Variants in ROR1 observed in about 807,000 individuals in gnomAD.
ROR1 encodes the protein ROR family WNT receptor 1, also known as inactive tyrosine-protein kinase transmembrane receptor ROR1.
ROR1 carries 19 observed loss-of-function variants against 78.8 expected under a neutral mutation model. The ratio of observed to expected loss-of-function variants is 0.24; its 90% CI spans 0.17 to 0.35. The LOEUF is 0.35. Among genes scored for constraint, ROR1 ranks in the 10% least tolerant of loss-of-function variants. ROR1 has a pLI of 1.00. For synonymous variants in ROR1, 386 were observed against 433.6 expected (o/e 0.89, Z 1.36); for missense variants, 917 against 1,177.8 (o/e 0.78, Z 3.24).
chr1:63,849,562 G>A (rs1645101186), intron 1 of ROR1, among the ~76,000 whole-genome samples: 1 of 152,090 alleles, frequency 6.6e-6, no homozygotes, highest in Admixed American at 6.6e-5. Context: ...GGCGGGGTGT[G>A]GGGTGGGCGC....
intron 4 of ROR1, among the ~76,000 whole-genome samples, chr1:64,105,111 T>TC (rs1301381405): frequency 1.3e-5 from 2 of 152,228 alleles, no homozygotes; most frequent in Non-Finnish European, 2.9e-5. Context: ...CTCCACAACC[T>TC]CACTAGCATC....
chr1:63,824,308 G>A (rs960928721), intron 1 of ROR1, among the ~76,000 whole-genome samples: 2 of 152,118 alleles, frequency 1.3e-5, no homozygotes, highest in African/African-American at 4.8e-5. Context: ...CAGGAAAGCA[G>A]CCATAGATAA....
chr1:64,140,383 C>A lies in ROR1; in HGVS notation c.885C>A (p.Asn295Lys). ...LPQPESPEAA[N>K]CIRIGIPMAD... ...AGCCAGAGAGCCCAGAAGCTGCGAA[C>A]TGTATCCGGATTGGAATTCCCATGG... The change falls in exon 6 of 9, where the codon AAC becomes AAA. Residue 295 changes from asparagine (N) to lysine (K), a missense_variant. By Grantham distance (94) the Asn-to-Lys change is moderately conservative (BLOSUM62 0). Transcript: ENST00000371079. The A allele has an allele frequency of 3.7e-6, 6 of 1,614,130 alleles. No homozygotes were observed. The highest frequency in any genetic ancestry group is 5.1e-6 in the Non-Finnish European group (6 of 1,180,008).
chr1:64,035,403 A>G (rs1646694118), intron 2 of ROR1, among the ~76,000 whole-genome samples: 1 of 152,170 alleles, frequency 6.6e-6, no homozygotes, highest in Admixed American at 6.5e-5. Flanking sequence ...GATACCTTTC[A>G]GGGAGGCTGC....
At chr1:63,841,087 C>T (rs577061247) in intron 1 of ROR1, among the ~76,000 whole-genome samples, 2 of 152,256 alleles carry the variant, frequency 1.3e-5, no homozygotes, top group East Asian at 3.9e-4. Flanking sequence ...ATACTGGCCA[C>T]CATTTTTGAT....
At chr1:64,091,772 C>G (rs755790227) in intron 4 of ROR1, among the ~76,000 whole-genome samples, 22 of 152,256 alleles carry the variant, frequency 1.4e-4, no homozygotes, top group Non-Finnish European at 2.5e-4. Context: ...TTCTCCTACT[C>G]TGTTCCCAAC....
At chr1:63,802,970 A>T (rs1468309764) in intron 1 of ROR1, among the ~76,000 whole-genome samples, 1 of 152,256 alleles carries the variant, frequency 6.6e-6, no homozygotes, top group Non-Finnish European at 1.5e-5. Flanking sequence ...TCAACATGCA[A>T]TCTTTATAAA....
chr1:64,081,068 C>A (rs750894103), intron 4 of ROR1, among the ~76,000 whole-genome samples: 21 of 152,128 alleles, frequency 1.4e-4, no homozygotes, highest in Non-Finnish European at 2.1e-4. Flanking sequence ...CTCTAAGATC[C>A]CCTACCCCTG....
chr1:64,132,495 C>T (rs1648947698), intron 4 of ROR1, among the ~76,000 whole-genome samples: 2 of 151,852 alleles, frequency 1.3e-5, no homozygotes, highest in African/African-American at 4.8e-5. Context: ...CGTGGTGGCT[C>T]ACACCTGTAA....
chr1:63,976,501 T>C (rs1044113905), intron 1 of ROR1, among the ~76,000 whole-genome samples: 1 of 152,168 alleles, frequency 6.6e-6, no homozygotes, highest in Non-Finnish European at 1.5e-5. Flanking sequence ...CCTAATGTGG[T>C]CCACATCTTT....
At chr1:63,882,878 A>G (rs1325274297) in intron 1 of ROR1, among the ~76,000 whole-genome samples, 2 of 151,852 alleles carry the variant, frequency 1.3e-5, no homozygotes, top group Non-Finnish European at 2.9e-5. Flanking sequence ...GGCTGAGGAG[A>G]TATTTTGGTT....
chr1:63,833,826 T>C (rs1645003551), intron 1 of ROR1, among the ~76,000 whole-genome samples: 1 of 151,880 alleles, frequency 6.6e-6, no homozygotes, highest in Non-Finnish European at 1.5e-5. Context: ...AGTTAGCACA[T>C]GTGCATATTT....
intron 4 of ROR1, among the ~76,000 whole-genome samples, chr1:64,107,922 C>G (rs1647892337): frequency 6.6e-6 from 1 of 152,054 alleles, no homozygotes; most frequent in African/African-American, 2.4e-5. Flanking sequence ...CATCGGTGGT[C>G]AGAGTTTGGC....
intron 1 of ROR1, among the ~76,000 whole-genome samples, chr1:63,863,042 A>G (rs1405978144): frequency 6.6e-6 from 1 of 152,196 alleles, no homozygotes; most frequent in Non-Finnish European, 1.5e-5. Flanking sequence ...TGCTTGTCCA[A>G]TGTCACAAAG....
intron 2 of ROR1, among the ~76,000 whole-genome samples, chr1:64,032,852 C>T (rs1209969083): frequency 6.6e-6 from 1 of 152,128 alleles, no homozygotes; most frequent in Non-Finnish European, 1.5e-5. Flanking sequence ...AGAAAATAAA[C>T]AAGAGACTTT....
intron 4 of ROR1, among the ~76,000 whole-genome samples, chr1:64,120,189 A>G (rs1648477530): frequency 6.6e-6 from 1 of 152,026 alleles, no homozygotes. Context: ...TCTAATATCC[A>G]GAGAGCAGGA....
In ROR1 at chr1:63,840,281, G is replaced by GTT. The variant is rs35330369; in HGVS notation, c.91+65787_91+65788dup. ...GAAAAGTCTCTCTGCTTGTCGTTTA[G>GTT]TTTTTTTTTTTTTTTGAGATGGAGT... On this transcript the variant is annotated intron_variant, in intron 1 of 8. Transcript: ENST00000371079. Among the ~76,000 whole-genome samples the GTT allele has an allele frequency of 1.1e-3, 155 of 139,634 alleles. 3 individuals are homozygous for GTT. The highest frequency in any genetic ancestry group is 9.9e-4 in the Non-Finnish European group (64 of 64,672). 91.6% of individuals were successfully genotyped at this position (139,634 alleles called of 152,430 possible).
intron 1 of ROR1, among the ~76,000 whole-genome samples, chr1:63,953,303 T>C (rs534612628): frequency 4.4e-4 from 67 of 152,148 alleles, no homozygotes; most frequent in Non-Finnish European, 8.1e-4. Flanking sequence ...TCCCCTCTTA[T>C]CTGTGTGGGA....
At chr1:63,979,026 T>A (rs1646186312) in intron 1 of ROR1, among the ~76,000 whole-genome samples, 1 of 152,198 alleles carries the variant, frequency 6.6e-6, no homozygotes, top group South Asian at 2.1e-4. Flanking sequence ...GAGGTCAGCC[T>A]TTTGTTCTAT....
Sources: allele counts gnomAD v4.1 joint callset (sites outside exome capture counted in the v4.1 genomes callset), GRCh38; gene constraint gnomAD v4.1.1; transcripts MANE v1.5; gene names NCBI Gene and HGNC (gene_info 2026-07-23, HGNC 2026-07-21).